Variants in MAPKBP1 observed in about 807,000 individuals in gnomAD.
MAPKBP1 encodes the protein mitogen-activated protein kinase binding protein 1, also known as mitogen-activated protein kinase-binding protein 1.
Under a neutral mutation model 170.5 loss-of-function variants are expected in MAPKBP1, and 71 were observed. That is an observed-to-expected ratio of 0.42 (90% CI 0.34 to 0.51). The LOEUF is 0.51. Ranked by LOEUF, MAPKBP1 falls within the 20% of genes least tolerant of loss-of-function variation. MAPKBP1 has a pLI of 0.06. For synonymous variants in MAPKBP1, 719 were observed against 757.9 expected (o/e 0.95, Z 0.84); for missense variants, 1,598 against 1,933.0 (o/e 0.83, Z 3.25).
chr15:41,827,277 G>C lies in MAPKBP1; in HGVS notation c.*1841G>C, dbSNP rs1258994070. On this transcript the variant is annotated 3_prime_UTR_variant, in exon 31 of 31. Transcript: ENST00000457542. ...ATCGCGCCATTGCACTCCAACCTAG[G>C]TGACAAAGCTACACGCCATCTCAAA... The C allele has an allele frequency of 6.6e-6, 1 of 151,618 alleles. No individual in the cohort carries two copies. 9.4% of individuals were successfully genotyped at this position (151,618 alleles called of 1,614,324 possible). A position where few individuals can be genotyped will look rare whatever the true frequency, so the allele number is the denominator to read the frequency against.
intron 2 of MAPKBP1, among the ~76,000 whole-genome samples, chr15:41,790,185 C>CGGTG (rs902794484): frequency 2.6e-5 from 4 of 152,180 alleles, no homozygotes; most frequent in Admixed American, 6.5e-5. Flanking sequence ...TTTGTACCCC[C>CGGTG]GGTGCGTTCT....
rs2065081278 is a variant in MAPKBP1 at position 41,825,814 on chromosome 15, A to G, written c.*378A>G. The G allele has an allele frequency of 5.7e-6, 1 of 173,962 alleles. No homozygotes were observed. Among genetic ancestry groups the G allele is most frequent in the Non-Finnish European group, 1.2e-5 (1 of 82,154 alleles). 10.8% of individuals were successfully genotyped at this position (173,962 alleles called of 1,614,324 possible). A position where few individuals can be genotyped will look rare whatever the true frequency, so the allele number is the denominator to read the frequency against. ...ATTAGCTCCCTGTGGTGGAGCATAC[A>G]CAGGGTACTCTGGGGTCGAGGTGAG... On this transcript the variant is annotated 3_prime_UTR_variant, in exon 31 of 31. Transcript: ENST00000457542.
At chr15:41,794,171 G>A (rs2064444530) in intron 2 of MAPKBP1, among the ~76,000 whole-genome samples, 1 of 152,170 alleles carries the variant, frequency 6.6e-6, no homozygotes. Context: ...GGCAGAGATT[G>A]CAGTGAGCTG....
rs769201973 is a variant in MAPKBP1 at position 41,823,238 on chromosome 15, G to A, written c.3598+16G>A. The A allele has an allele frequency of 4.7e-5, 75 of 1,609,558 alleles. No individual in the cohort carries two copies. In the South Asian group the frequency reaches 7.2e-4, roughly 15 times the overall value. On this transcript the variant is annotated intron_variant, in intron 28 of 30. Transcript: ENST00000457542. ...GTGCCACAGGGTGAGAAGCCTGATG[G>A]GTTCAGTGCCAGGGTGCAGGGTGTA...
chr15:41,780,576 A>G (rs560164041), intron 2 of MAPKBP1, among the ~76,000 whole-genome samples: 1 of 152,232 alleles, frequency 6.6e-6, no homozygotes, highest in African/African-American at 2.4e-5. Flanking sequence ...ATTATACTTC[A>G]TGTTCCCACT....
At chr15:41,806,286 T>A (rs981275779) in intron 3 of MAPKBP1, among the ~76,000 whole-genome samples, 3 of 152,216 alleles carry the variant, frequency 2.0e-5, no homozygotes, top group Admixed American at 2.0e-4. Flanking sequence ...TAAATAGGGC[T>A]GGAGGGCGAC....
intron 1 of MAPKBP1, 169 bp downstream of exon 1, chr15:41,774,779 G>A (rs1048482537): frequency 5.5e-5 from 22 of 399,514 alleles, no homozygotes; most frequent in Middle Eastern, 1.2e-3. Flanking sequence ...GGCGAGCCCC[G>A]CCGCGTCCCC....
chr15:41,823,540 C>T lies in MAPKBP1; in HGVS notation c.3692C>T (p.Ala1231Val). ...AQDGLGSLPP[A>V]DGRPSRPHSY... is the part of the protein sequence containing the mutation. ...GATGGTCTGGGCTCCCTGCCCCCAGCTGATGGCCGTCCGTCTCGGCCTCAC... is the reference window on the plus strand; with the variant it reads ...GATGGTCTGGGCTCCCTGCCCCCAGTTGATGGCCGTCCGTCTCGGCCTCAC... The change falls in exon 29 of 31, where the codon GCT becomes GTT. Residue 1231 changes from alanine to valine, a missense_variant. This residue lies in a region of MAPKBP1 where 942 missense variants were observed against 953.2 expected (regional missense o/e 0.99). Transcript: ENST00000457542. 1 of 1,614,192 alleles carries T rather than the reference C, an allele frequency of 6.2e-7. No individual in the cohort carries two copies. Among genetic ancestry groups the T allele is most frequent in the Non-Finnish European group, 8.5e-7 (1 of 1,180,018 alleles).
rs2064991143 is a variant in MAPKBP1 at position 41,821,245 on chromosome 15, G to A, written c.2718+177G>A. 3.9e-5 allele frequency: 26 copies of A among 672,990 alleles called. No individual in the cohort carries two copies. In the South Asian group the frequency reaches 4.8e-4, roughly 13 times the overall value. 41.7% of individuals were successfully genotyped at this position (672,990 alleles called of 1,614,324 possible). On this transcript the variant is annotated intron_variant, in intron 23 of 30. Transcript: ENST00000457542. ...CTGGGCTGTATGGTTTGGTCATCAGGATAGGCAGGGGAGGGGTTGGGGTAG... is the reference window on the plus strand; with the variant it reads ...CTGGGCTGTATGGTTTGGTCATCAGAATAGGCAGGGGAGGGGTTGGGGTAG...
At chr15:41,776,236 T>C (rs1485958629) in intron 2 of MAPKBP1, among the ~76,000 whole-genome samples, 1 of 152,184 alleles carries the variant, frequency 6.6e-6, no homozygotes, top group Non-Finnish European at 1.5e-5. Flanking sequence ...GTAAACCCAA[T>C]AGGGTTGTGA....
rs1392471450 is a variant in MAPKBP1, at chr15:41,815,779, G to T, written c.1473G>T (p.Gly491=). 7 of 1,614,022 alleles carry T rather than the reference G, an allele frequency of 4.3e-6. No homozygotes were observed. The part of the protein sequence containing the change: ...VSPNGQHLAS[G]DRMGTLRVHE... The stretch of plus-strand genomic sequence containing the variant: ...CCAATGGACAGCATCTAGCATCAGG[G>T]GACCGTATGGGCACACTTAGGTAAT... The change falls in exon 12 of 31, where the codon GGG becomes GGT. Residue 491 remains glycine, a synonymous_variant. Coordinates refer to ENST00000457542, the MANE Select transcript of MAPKBP1 (RefSeq NM_014994.3).
Position 41,826,889 on chromosome 15 carries a change from TG to T in MAPKBP1, c.*1456del, listed in dbSNP as rs1192371886. On this transcript the variant is annotated 3_prime_UTR_variant, in exon 31 of 31. Transcript: ENST00000457542. ...TTGAAGAGTTGAGGAAAGGTTTTTC[TG>T]GGCCCTACTGCTCCCCTCTGCTGCA... 1 of 152,244 alleles carries T rather than the reference TG, an allele frequency of 6.6e-6. No homozygotes were observed. The highest frequency in any genetic ancestry group is 1.5e-5 in the Non-Finnish European group (1 of 68,084). The allele number at this position is 152,244 out of a possible 1,614,324, so 9.4% of individuals were successfully genotyped here. A position where few individuals can be genotyped will look rare whatever the true frequency, so the allele number is the denominator to read the frequency against.
Position 41,818,402 on chromosome 15 carries a change from A to C in MAPKBP1, c.2092+97A>C, listed in dbSNP as rs1596094270. On this transcript the variant is annotated intron_variant, in intron 18 of 30. Coordinates refer to ENST00000457542, the MANE Select transcript of MAPKBP1 (RefSeq NM_014994.3). The surrounding 1 kb of genome is among the most constrained non-coding windows in gnomAD (Gnocchi z 5.2). ...TTCACTCTTCTATTAGTTTCTTGGGACCCGCAGAGCTACCTATCCCTACCC... is the reference window on the plus strand; with the variant it reads ...TTCACTCTTCTATTAGTTTCTTGGGCCCCGCAGAGCTACCTATCCCTACCC... 7.2e-7 allele frequency: 1 copy of C among 1,393,710 alleles called. No homozygotes were observed. Among genetic ancestry groups the C allele is most frequent in the Non-Finnish European group, 1.0e-6 (1 of 988,938 alleles). The allele number at this position is 1,393,710 out of a possible 1,614,324, so 86.3% of individuals were successfully genotyped here.
Position 41,780,652 on chromosome 15 carries a change from A to G in MAPKBP1, c.114+5263A>G, listed in dbSNP as rs192832805. ...GCAGGACAAAGCCAGGTTTTCTGGC[A>G]GCTTCCTTTTCATAGCAATTCTCAG... On this transcript the variant is annotated intron_variant, in intron 2 of 30. Transcript: ENST00000457542. Among the ~76,000 whole-genome samples, 602 of 152,278 alleles carry G rather than the reference A, an allele frequency of 4.0e-3. 5 individuals are homozygous for G. Among genetic ancestry groups the G allele is most frequent in the Middle Eastern group, 0.014 (4 of 294 alleles).
At chr15:41,816,732 G>A in intron 13 of MAPKBP1, 82 bp downstream of exon 13, 2 of 1,474,262 alleles carry the variant, frequency 1.4e-6, no homozygotes, top group Non-Finnish European at 1.9e-6. Flanking sequence ...TTGGACGTGG[G>A]GTCGGTAATC....
chr15:41,779,528 A>G (rs1022353828), intron 2 of MAPKBP1, among the ~76,000 whole-genome samples: 1 of 151,488 alleles, frequency 6.6e-6, no homozygotes, highest in African/African-American at 2.4e-5. Context: ...TGTTTTTTGT[A>G]GAGACAGAGT....
intron 23 of MAPKBP1, chr15:41,821,291 C>A: frequency 1.6e-6 from 1 of 619,148 alleles, no homozygotes; most frequent in South Asian, 2.0e-5. Context: ...GTGGCCTTTG[C>A]CCTGGGCTGG....
Position 41,819,617 on chromosome 15 carries a change from G to A in MAPKBP1, c.2448G>A (p.Leu816=), listed in dbSNP as rs149625326. ...KALASVPSPA[L]PRSLSHWEMS... ...TAGCCTCGGTCCCCAGCCCAGCTTT[G>A]CCCCGAAGCCTGTCCCACTGGGAGA... Residue 816 remains leucine, a synonymous_variant, in exon 22 of 31, where the codon TTG becomes TTA. Transcript: ENST00000457542. 268 of 1,610,988 alleles carry A rather than the reference G, an allele frequency of 1.7e-4. 1 individual carries two copies. In the African/African-American group the frequency reaches 3.2e-3, roughly 19 times the overall value.
chr15:41,812,513 C>T lies in MAPKBP1; in HGVS notation c.499-3C>T, dbSNP rs752041843. The T allele has an allele frequency of 6.2e-7, 1 of 1,614,250 alleles. No homozygotes were observed. The highest frequency in any genetic ancestry group is 1.7e-5 in the Admixed American group (1 of 60,024). On this transcript the variant is annotated splice_polypyrimidine_tract_variant and splice_region_variant and intron_variant, in intron 6 of 30. Transcript: ENST00000457542. ...TTGATTCTTCCTTTGGCATCCCCTCCAGAAAAACATTGTGGTGGCCTCCAA... is the reference window on the plus strand; with the variant it reads ...TTGATTCTTCCTTTGGCATCCCCTCTAGAAAAACATTGTGGTGGCCTCCAA...
Sources: gnomAD v4.1 joint callset for allele counts (sites outside exome capture counted in the v4.1 genomes callset) on GRCh38, gnomAD v4.1.1 for gene constraint, gnomAD v4.1.1 regional missense constraint, Gnocchi (gnomAD v3.1) non-coding constraint, MANE v1.5 for transcripts, NCBI Gene and HGNC (gene_info 2026-07-23, HGNC 2026-07-21) for gene names.